FRAS1: variants seen among roughly 807,000 people sequenced by gnomAD.
FRAS1 encodes the protein Fraser extracellular matrix complex subunit 1, also known as extracellular matrix organizing protein FRAS1.
In FRAS1, 290 loss-of-function variants were observed where a neutral mutation model predicts 435.2. The ratio of observed to expected loss-of-function variants is 0.67; its 90% CI spans 0.61 to 0.73. The LOEUF is 0.73. Ranked by LOEUF, FRAS1 falls within the 30% of genes least tolerant of loss-of-function variation. FRAS1 has a pLI of 0.00. For missense variants in FRAS1, 4,860 were observed against 5,001.5 expected (o/e 0.97, Z 0.85); for synonymous variants, 1,800 against 1,851.0 (o/e 0.97, Z 0.71).
intron 2 of FRAS1, among the ~76,000 whole-genome samples, chr4:78,216,466 A>G (rs1386554458): frequency 2.6e-5 from 4 of 152,246 alleles, no homozygotes; most frequent in Non-Finnish European, 4.4e-5. Context: ...GAATGATTTC[A>G]TGAATGAGCC....
chr4:78,216,941 G>A (rs1216474889), intron 2 of FRAS1, among the ~76,000 whole-genome samples: 2 of 152,122 alleles, frequency 1.3e-5, no homozygotes, highest in African/African-American at 4.8e-5. Context: ...GGATAAGACT[G>A]GAGCAAAGTC....
intron 22 of FRAS1, among the ~76,000 whole-genome samples, chr4:78,367,779 A>G (rs1335782330): frequency 2.6e-5 from 4 of 152,074 alleles, no homozygotes; most frequent in Non-Finnish European, 5.9e-5. Flanking sequence ...CATTATTTCA[A>G]CTGGTTAAGG....
At chr4:78,067,613 G>T (rs1740101306) in intron 2 of FRAS1, among the ~76,000 whole-genome samples, 1 of 150,992 alleles carries the variant, frequency 6.6e-6, no homozygotes, top group African/African-American at 2.4e-5. Context: ...TCTTCCAGGT[G>T]ACTTCTTTGC....
At chr4:78,148,217 A>T (rs1334841256) in intron 2 of FRAS1, among the ~76,000 whole-genome samples, 1 of 152,146 alleles carries the variant, frequency 6.6e-6, no homozygotes, top group East Asian at 1.9e-4. Context: ...GTAGAATCAT[A>T]TACTTTTGGA....
In FRAS1 at chr4:78,065,672, T is replaced by C. The variant is rs1463685707; in HGVS notation, c.77-313T>C. On this transcript the variant is annotated intron_variant, in intron 1 of 73. Coordinates refer to ENST00000512123, the MANE Select transcript of FRAS1 (RefSeq NM_025074.7). ...TGGATAAGTAAATGGGACTGGATTA[T>C]GGAGGCTTTGCTGACTTATCACCAA... Among the ~76,000 whole-genome samples, 5 of 152,192 alleles carry C rather than the reference T, an allele frequency of 3.3e-5. No homozygotes were observed. The South Asian group carries it at 1.0e-3, about 31-fold the overall frequency.
At chr4:78,301,966 T>C (rs896289848) in intron 14 of FRAS1, among the ~76,000 whole-genome samples, 9 of 151,720 alleles carry the variant, frequency 5.9e-5, no homozygotes, top group Middle Eastern at 3.2e-3. Context: ...AACTCATCAT[T>C]TAGCATTAGG....
chr4:78,505,539 T>G (rs67217470), intron 61 of FRAS1, among the ~76,000 whole-genome samples: 50,002 of 152,080 alleles, frequency 0.33, 8,957 homozygotes, highest in South Asian at 0.52. Context: ...AGCTTGTGCA[T>G]GTATCACGAA....
intron 24 of FRAS1, among the ~76,000 whole-genome samples, 167 bp downstream of exon 24, chr4:78,373,025 A>G (rs1731577586): frequency 1.3e-5 from 2 of 152,102 alleles, no homozygotes; most frequent in Non-Finnish European, 2.9e-5. Context: ...TCCCCTTTTC[A>G]TCTTCCATGC....
At position 78,282,938 on chromosome 4, in the gene FRAS1, A is replaced by G. The variant is rs574673735; in HGVS notation, c.1226A>G (p.Lys409Arg). The G allele has an allele frequency of 1.2e-6, 2 of 1,606,500 alleles. No homozygotes were observed. Among genetic ancestry groups the G allele is most frequent in the African/African-American group, 2.7e-5 (2 of 74,738 alleles). ...GTGGGCACACTGGCCTTAGAGGTGAAGGGACAGTGCTGTCCAGACTGCACA... is the reference window on the plus strand; with the variant it reads ...GTGGGCACACTGGCCTTAGAGGTGAGGGGACAGTGCTGTCCAGACTGCACA... ...CPVGTLALEV[K>R]GQCCPDCTSV... is the part of the protein sequence containing the mutation. The change falls in exon 12 of 74, where the codon AAG becomes AGG. Residue 409 changes from lysine to arginine, a missense_variant. By Grantham distance (26) the Lys-to-Arg change is conservative. Coordinates refer to ENST00000512123, the MANE Select transcript of FRAS1 (RefSeq NM_025074.7).
chr4:78,522,331 A>G (rs1292802012), intron 68 of FRAS1, among the ~76,000 whole-genome samples: 1 of 152,212 alleles, frequency 6.6e-6, no homozygotes, highest in Non-Finnish European at 1.5e-5. Flanking sequence ...AGCTATGTAT[A>G]TTCAGTGTTC....
chr4:78,069,158 G>T (rs971792726), intron 2 of FRAS1, among the ~76,000 whole-genome samples: 4 of 152,184 alleles, frequency 2.6e-5, no homozygotes, highest in African/African-American at 9.6e-5. Flanking sequence ...CACTGTTTTA[G>T]AGGTAGAAGT....
chr4:78,184,081 G>A (rs910613731), intron 2 of FRAS1, among the ~76,000 whole-genome samples: 8 of 152,114 alleles, frequency 5.3e-5, no homozygotes, highest in African/African-American at 1.9e-4. Flanking sequence ...GTATGATTGT[G>A]CACACACTAG....
Position 78,450,236 on chromosome 4 carries a change from A to G in FRAS1, c.6360A>G (p.Glu2120=), listed in dbSNP as rs781229226. ...DDHQVMYIMK[E]DPGAGRLQMM... is the part of the protein sequence containing the mutation. ...ATCAGGTTATGTACATCATGAAGGA[A>G]GATCCTGGTGCAGGGCGCCTGCAGA... is the stretch of plus-strand genomic sequence containing the variant. The change falls in exon 45 of 74, where the codon GAA becomes GAG. Residue 2120 remains glutamate, a synonymous_variant. Transcript: ENST00000512123. 1.2e-6 allele frequency: 2 copies of G among 1,613,850 alleles called. No homozygotes were observed. Among genetic ancestry groups the G allele is most frequent in the Non-Finnish European group, 8.5e-7 (1 of 1,179,776 alleles).
chr4:78,540,357 A>T (rs1482935385), intron 73 of FRAS1, among the ~76,000 whole-genome samples, 174 bp from the exon 74 acceptor site: 1 of 152,242 alleles, frequency 6.6e-6, no homozygotes, highest in African/African-American at 2.4e-5. Context: ...TTGGAAATAA[A>T]ATAGAACCCA....
intron 66 of FRAS1, among the ~76,000 whole-genome samples, chr4:78,517,246 C>G (rs919009296): frequency 1.3e-5 from 2 of 152,214 alleles, no homozygotes; most frequent in African/African-American, 4.8e-5. Context: ...GTACACACTA[C>G]TGCCATCTAC....
chr4:78,065,964 T>C, intron 1 of FRAS1, 21 bp from the exon 2 acceptor site: 1 of 1,596,636 alleles, frequency 6.3e-7, no homozygotes, highest in Non-Finnish European at 8.6e-7. Flanking sequence ...CTTTTAATTC[T>C]TGTTTTGTTT....
intron 59 of FRAS1, among the ~76,000 whole-genome samples, chr4:78,496,447 C>T (rs1720508541): frequency 1.3e-5 from 2 of 152,088 alleles, no homozygotes; most frequent in Admixed American, 6.5e-5. Context: ...AGAAATCTAC[C>T]TATTTTAATA....
intron 2 of FRAS1, among the ~76,000 whole-genome samples, chr4:78,161,305 C>T (rs1721126830): frequency 6.6e-6 from 1 of 151,946 alleles, no homozygotes; most frequent in Non-Finnish European, 1.5e-5. Flanking sequence ...TATATAAACC[C>T]TACTTTATTG....
chr4:78,356,292 T>A (rs368828241), intron 20 of FRAS1, among the ~76,000 whole-genome samples: 4 of 152,306 alleles, frequency 2.6e-5, no homozygotes, highest in African/African-American at 9.6e-5. Context: ...ATTGACCTTT[T>A]TCGTGGGCCT....
Sources: allele counts gnomAD v4.1 joint callset (sites outside exome capture counted in the v4.1 genomes callset), GRCh38; gene constraint gnomAD v4.1.1; transcripts MANE v1.5; gene names NCBI Gene and HGNC (gene_info 2026-07-23, HGNC 2026-07-21).